The following ADAMTSL1 variants were observed in gnomAD, a reference collection of about 807,000 sequenced individuals.
ADAMTSL1 encodes the protein ADAMTS-like protein 1.
Under a neutral mutation model 201.8 loss-of-function variants are expected in ADAMTSL1, and 126 were observed. The ratio of observed to expected loss-of-function variants is 0.62; its 90% CI spans 0.54 to 0.72. The LOEUF is 0.72. Among genes scored for constraint, ADAMTSL1 ranks in the 30% least tolerant of loss-of-function variants. ADAMTSL1 has a pLI of 0.00. For synonymous variants in ADAMTSL1, 1,121 were observed against 903.4 expected, an observed-to-expected ratio of 1.24 and a Z score of -4.32; for missense variants, 2,679 against 2,277.8, an observed-to-expected ratio of 1.18 and a Z score of -3.59.
At chr9:18,418,870 T>TA (rs1818812045) in intron 2 of ADAMTSL1, among the ~76,000 whole-genome samples, 1 of 152,204 alleles carries the variant, frequency 6.6e-6, no homozygotes, top group Non-Finnish European at 1.5e-5. Flanking sequence ...GGCAAAGGAA[T>TA]AAGAATAGTT....
At chr9:18,245,013 T>C (rs1831206716) in intron 2 of ADAMTSL1, among the ~76,000 whole-genome samples, 1 of 152,182 alleles carries the variant, frequency 6.6e-6, no homozygotes, top group Non-Finnish European at 1.5e-5. Flanking sequence ...TGCATTTTAT[T>C]TGAAGTGTCT....
intron 14 of ADAMTSL1, chr9:18,718,177 A>C (rs752235537): frequency 2.5e-6 from 2 of 797,130 alleles, no homozygotes; most frequent in Admixed American, 1.7e-5. Flanking sequence ...TCCAAGTCAT[A>C]CTTATTACCA....
chr9:18,473,523 G>T (rs1019451831), upstream of ADAMTSL1, among the ~76,000 whole-genome samples: 1 of 152,026 alleles, frequency 6.6e-6, no homozygotes, highest in Non-Finnish European at 1.5e-5. Flanking sequence ...AATAACTTAT[G>T]CCACTGTTTA....
rs1281249564 is a variant in ADAMTSL1 at position 18,817,302 on chromosome 9, G to C, written c.3934+65G>C. The C allele has an allele frequency of 4.8e-6, 7 of 1,464,984 alleles. No individual in the cohort carries two copies. In the East Asian group the frequency reaches 1.0e-4, roughly 21 times the overall value. 90.7% of individuals were successfully genotyped at this position (1,464,984 alleles called of 1,614,324 possible). ...CCCTGTGCTAGGTTGGGGATACAAA[G>C]ACAAATTAGACACAAATTCTACTCT... On this transcript the variant is annotated intron_variant, in intron 21 of 28. Transcript: ENST00000380548.
At chr9:18,538,019 G>A (rs1355527558) in intron 3 of ADAMTSL1, among the ~76,000 whole-genome samples, 1 of 151,980 alleles carries the variant, frequency 6.6e-6, no homozygotes, top group Non-Finnish European at 1.5e-5. Context: ...AGGAGGAGGA[G>A]AAGGAGGAAG....
chr9:18,630,063 A>G (rs1286056555), intron 5 of ADAMTSL1, among the ~76,000 whole-genome samples: 1 of 152,106 alleles, frequency 6.6e-6, no homozygotes, highest in Non-Finnish European at 1.5e-5. Context: ...TTTCTTGGGT[A>G]CTAGATATTT....
At chr9:18,555,596 G>C (rs1287087052) in intron 3 of ADAMTSL1, among the ~76,000 whole-genome samples, 1 of 152,012 alleles carries the variant, frequency 6.6e-6, no homozygotes, top group South Asian at 2.1e-4. Context: ...AAACAACAAT[G>C]TATTAAGTCC....
intron 1 of ADAMTSL1, among the ~76,000 whole-genome samples, chr9:18,504,139 C>T (rs1822996328): frequency 6.6e-6 from 1 of 152,110 alleles, no homozygotes; most frequent in Admixed American, 6.5e-5. Flanking sequence ...TTTGTAACTC[C>T]AGAGCCTGTT....
At chr9:18,879,835 A>G (rs758203676) in intron 23 of ADAMTSL1, among the ~76,000 whole-genome samples, 7 of 152,208 alleles carry the variant, frequency 4.6e-5, no homozygotes, top group Non-Finnish European at 8.8e-5. Flanking sequence ...GTAGCATGTG[A>G]TGCTGTTTGG....
intron 2 of ADAMTSL1, among the ~76,000 whole-genome samples, chr9:18,356,959 C>A (rs1449644318): frequency 6.6e-6 from 1 of 152,148 alleles, no homozygotes; most frequent in Admixed American, 6.5e-5. Flanking sequence ...TGGCTGATTC[C>A]TATAACAATT....
chr9:18,237,921 T>G (rs950785064), intron 2 of ADAMTSL1, among the ~76,000 whole-genome samples: 1 of 152,270 alleles, frequency 6.6e-6, no homozygotes, highest in Non-Finnish European at 1.5e-5. Context: ...TTTGAACGTT[T>G]CGTGGACTAA....
At chr9:18,518,348 A>T (rs1362502662) in intron 2 of ADAMTSL1, among the ~76,000 whole-genome samples, 1 of 150,564 alleles carries the variant, frequency 6.6e-6, no homozygotes, top group African/African-American at 2.4e-5. Flanking sequence ...TTCCATCTTT[A>T]TGTCCATGTG....
chr9:18,665,343 C>T (rs1225672698), intron 9 of ADAMTSL1, among the ~76,000 whole-genome samples: 1 of 152,012 alleles, frequency 6.6e-6, no homozygotes, highest in Non-Finnish European at 1.5e-5. Context: ...CAACTAAAAT[C>T]ATAAATATCA....
intron 16 of ADAMTSL1, among the ~76,000 whole-genome samples, chr9:18,753,718 G>C (rs1414579558): frequency 6.6e-6 from 1 of 152,058 alleles, no homozygotes; most frequent in Non-Finnish European, 1.5e-5. Flanking sequence ...ACACCCCAGT[G>C]ACCTCCAAAA....
chr9:18,043,332 C>G (rs1821510811), intron 1 of ADAMTSL1, among the ~76,000 whole-genome samples: 1 of 151,926 alleles, frequency 6.6e-6, no homozygotes, highest in Non-Finnish European at 1.5e-5. Flanking sequence ...GAAAAAATGC[C>G]CAAGAAAGTA....
chr9:18,701,776 A>C (rs1292152883), intron 13 of ADAMTSL1, among the ~76,000 whole-genome samples: 1 of 152,218 alleles, frequency 6.6e-6, no homozygotes, highest in Non-Finnish European at 1.5e-5. Flanking sequence ...ATAGCATCAA[A>C]ATAAGACACC....
intron 15 of ADAMTSL1, among the ~76,000 whole-genome samples, chr9:18,734,718 C>G (rs1019507365): frequency 6.6e-6 from 1 of 152,112 alleles, no homozygotes; most frequent in Admixed American, 6.6e-5. Context: ...TAACCACGAG[C>G]TGAGTCTCTT....
intron 1 of ADAMTSL1, among the ~76,000 whole-genome samples, chr9:18,076,921 C>A (rs953038326): frequency 6.6e-6 from 1 of 152,064 alleles, no homozygotes; most frequent in African/African-American, 2.4e-5. Context: ...GTAGAGATGA[C>A]AAGAAATGGA....
At chr9:18,304,429 G>GTTGT (rs147488566) in intron 2 of ADAMTSL1, among the ~76,000 whole-genome samples, 10,369 of 152,086 alleles carry the variant, frequency 0.068, 1,126 homozygotes, top group African/African-American at 0.23. Context: ...TGTGCCTAGT[G>GTTGT]TTATCATGTG....
Sources: gnomAD v4.1 joint callset for allele counts (sites outside exome capture counted in the v4.1 genomes callset) on GRCh38, gnomAD v4.1.1 for gene constraint, MANE v1.5 for transcripts, NCBI Gene and HGNC (gene_info 2026-07-23, HGNC 2026-07-21) for gene names.